DOCK10: variants seen among roughly 807,000 people sequenced by gnomAD.
DOCK10 encodes dedicator of cytokinesis protein 10.
In DOCK10, 145 loss-of-function variants were observed where a neutral mutation model predicts 280.1. The ratio of observed to expected loss-of-function variants is 0.52; its 90% CI spans 0.45 to 0.59. The LOEUF (loss-of-function observed/expected upper bound fraction) is 0.59, where lower values mean the gene tolerates loss of function less well. DOCK10 is among the 20% of genes least tolerant of loss of function. The pLI is 0.00. For synonymous variants in DOCK10, 915 were observed against 942.2 expected, an observed-to-expected ratio of 0.97 and a Z score of 0.53; for missense variants, 2,368 against 2,651.7, an observed-to-expected ratio of 0.89 and a Z score of 2.35.
intron 1 of DOCK10, chr2:224,947,137 C>T (rs1354676936): frequency 1.9e-6 from 2 of 1,065,132 alleles, no homozygotes; most frequent in Non-Finnish European, 2.5e-6. Context: ...CTGTGAGTAA[C>T]TAACTACCAG....
At position 224,770,675 on chromosome 2, in the gene DOCK10, T is replaced by C; in HGVS notation, c.6205-30A>G. 1 of 1,514,376 alleles carries C rather than the reference T, an allele frequency of 6.6e-7. No homozygotes were observed. The highest frequency in any genetic ancestry group is 9.2e-7 in the Non-Finnish European group (1 of 1,089,386). 93.8% of individuals were successfully genotyped at this position (1,514,376 alleles called of 1,614,324 possible). A position where few individuals can be genotyped will look rare whatever the true frequency, so the allele number is the denominator to read the frequency against. On this transcript the variant is annotated intron_variant, in intron 53 of 55. Transcript: ENST00000258390. This position sits in a 1 kb window ranked among gnomAD's most constrained non-coding sequence, Gnocchi z 4.5. ...TGAGAAGAAAATTGGTGAAGGATGA[T>C]CTACCTTCTGCATGGAGTCTTTTCC...
rs1699758871 is a variant in DOCK10 at position 224,892,567 on chromosome 2, A to C, written c.416+3728T>G. On this transcript the variant is annotated intron_variant, in intron 4 of 55. Transcript: ENST00000258390. The stretch of plus-strand genomic sequence containing the variant: ...CTCTCGAGAGGTAACATTTAAATTG[A>C]GGAGGAGAAGCAGCTGGTTGTGTGA... 2.0e-5 allele frequency among the ~76,000 whole-genome samples: 3 copies of C among 152,266 alleles called. No individual in the cohort carries two copies. The South Asian group carries it at 6.2e-4, about 32-fold the overall frequency.
intron 27 of DOCK10, among the ~76,000 whole-genome samples, chr2:224,827,893 G>T (rs1383002526): frequency 6.6e-6 from 1 of 152,136 alleles, no homozygotes; most frequent in Non-Finnish European, 1.5e-5. Context: ...ATAGACCTGG[G>T]GCCTAGAAGC....
chr2:224,785,961 C>A (rs34998337), intron 50 of DOCK10, among the ~76,000 whole-genome samples: 1 of 152,146 alleles, frequency 6.6e-6, no homozygotes, highest in Non-Finnish European at 1.5e-5. Flanking sequence ...TTTTGGAAGA[C>A]TAAGGTGGGT....
At chr2:224,895,582 C>T (rs1699930132) in intron 4 of DOCK10, among the ~76,000 whole-genome samples, 1 of 152,128 alleles carries the variant, frequency 6.6e-6, no homozygotes, top group Non-Finnish European at 1.5e-5. Context: ...ATGTGCCAGG[C>T]ATTCTTCTTA....
At position 224,845,575 on chromosome 2, in the gene DOCK10, G is replaced by T; in HGVS notation, c.2303C>A (p.Thr768Asn). ...ATTAGCTTTTGCATTGATGTCACAG[G>T]TGACGTGATAAAAAGAAAACAAAAT... The part of the protein sequence containing the change: ...HHILFSFYHV[T>N]CDINAKANAK... Residue 768 changes from threonine (T) to asparagine (N), a missense_variant, in exon 20 of 56, where the codon ACC becomes AAC. By Grantham distance (65) the Thr-to-Asn change is moderately conservative. Transcript: ENST00000258390. 6.2e-7 allele frequency: 1 copy of T among 1,613,488 alleles called. No homozygotes were observed. Among genetic ancestry groups the T allele is most frequent in the Non-Finnish European group, 8.5e-7 (1 of 1,179,582 alleles).
intron 4 of DOCK10, among the ~76,000 whole-genome samples, chr2:224,886,888 ACC>A (rs200245451): frequency 7.0e-6 from 1 of 142,482 alleles, no homozygotes; most frequent in Non-Finnish European, 1.5e-5. Context: ...CACCCCCAAC[ACC>A]CCCCCAAGTA....
intron 38 of DOCK10, 26 bp from the exon 39 acceptor site, chr2:224,804,239 C>A: frequency 1.4e-6 from 2 of 1,394,954 alleles, no homozygotes; most frequent in South Asian, 1.2e-5. Context: ...AAGTTTTAAT[C>A]ATAGCTCAGT....
chr2:224,788,988 C>T, intron 48 of DOCK10, 76 bp downstream of exon 48: 1 of 844,042 alleles, frequency 1.2e-6, no homozygotes, highest in Non-Finnish European at 1.9e-6. Flanking sequence ...GCTTGTTTCC[C>T]CCTTATTTAG....
intron 1 of DOCK10, among the ~76,000 whole-genome samples, chr2:224,991,527 T>TC (rs1389543716): frequency 6.6e-6 from 1 of 152,144 alleles, no homozygotes; most frequent in Admixed American, 6.6e-5. Flanking sequence ...TAGATAACAG[T>TC]CCTGCAAGTC....
chr2:224,775,575 A>G (rs1488393770), intron 51 of DOCK10, among the ~76,000 whole-genome samples: 1 of 152,064 alleles, frequency 6.6e-6, no homozygotes, highest in African/African-American at 2.4e-5. Context: ...TCCTGGGTTC[A>G]AGTGATTTTC....
intron 1 of DOCK10, among the ~76,000 whole-genome samples, chr2:225,039,770 C>A (rs1690366604): frequency 6.6e-6 from 1 of 152,054 alleles, no homozygotes; most frequent in African/African-American, 2.4e-5. Flanking sequence ...ACAACCTTAC[C>A]TAAACTTATT....
chr2:224,967,899 C>A (rs1022753249), intron 1 of DOCK10, among the ~76,000 whole-genome samples: 1 of 149,834 alleles, frequency 6.7e-6, no homozygotes, highest in Non-Finnish European at 1.5e-5. Context: ...GTATATACTT[C>A]TTTTACAATT....
chr2:225,005,607 C>T (rs1706543771), intron 1 of DOCK10, among the ~76,000 whole-genome samples: 5 of 152,146 alleles, frequency 3.3e-5, no homozygotes, highest in Admixed American at 3.3e-4. Context: ...TTGTAAAAAA[C>T]AGAATAACTG....
Position 224,906,769 on chromosome 2 carries a change from G to A in DOCK10, c.333+9926C>T, listed in dbSNP as rs542971703. On this transcript the variant is annotated intron_variant, in intron 3 of 55. Transcript: ENST00000258390. ...GCTGGGATTACAGGCGTCAGTCACCGCACCCGGCCTTGTTTATCTTAAAGT... is the reference window on the plus strand; with the variant it reads ...GCTGGGATTACAGGCGTCAGTCACCACACCCGGCCTTGTTTATCTTAAAGT... Among the ~76,000 whole-genome samples, 10 of 152,346 alleles carry A rather than the reference G, an allele frequency of 6.6e-5. No individual in the cohort carries two copies. In the East Asian group the frequency reaches 1.5e-3, roughly 23 times the overall value.
At chr2:224,785,452 T>C (rs1691666798) in intron 50 of DOCK10, among the ~76,000 whole-genome samples, 1 of 152,204 alleles carries the variant, frequency 6.6e-6, no homozygotes, top group Admixed American at 6.5e-5. Flanking sequence ...CTTTTCCAGG[T>C]AGAAAGTATC....
Position 224,775,027 on chromosome 2 carries a change from C to T in DOCK10, c.5891G>A (p.Arg1964Gln), listed in dbSNP as rs755681454. The change falls in exon 52 of 56, where the codon CGG (arginine) becomes CAG (glutamine). Residue 1964 changes from arginine (R) to glutamine (Q), a missense_variant. Around this residue, in one of 2 missense-constraint regions of DOCK10, gnomAD observed 1,159 missense variants for 1,400.8 expected, o/e 0.83. Transcript: ENST00000258390. ...GTGGTGCATTTCGAAATCTGTCTTCCGGTCTTCGATTTCCTTTTCCTCAAA... is the reference window on the plus strand; with the variant it reads ...GTGGTGCATTTCGAAATCTGTCTTCTGGTCTTCGATTTCCTTTTCCTCAAA... ...PFFEEKEIEDRKTDFEMHHNI... is the reference protein window; with the variant it reads ...PFFEEKEIEDQKTDFEMHHNI... 25 of 1,613,854 alleles carry T rather than the reference C, an allele frequency of 1.5e-5. No individual in the cohort carries two copies. The highest frequency in any genetic ancestry group is 4.5e-5 in the East Asian group (2 of 44,884).
intron 1 of DOCK10, among the ~76,000 whole-genome samples, chr2:224,972,957 G>C (rs1479841475): frequency 2.6e-5 from 4 of 152,146 alleles, no homozygotes; most frequent in Non-Finnish European, 5.9e-5. Context: ...TATTCAATAA[G>C]TATTTCAGTG....
intron 8 of DOCK10, among the ~76,000 whole-genome samples, chr2:224,875,291 C>G (rs529797596): frequency 6.6e-6 from 1 of 152,310 alleles, no homozygotes; most frequent in South Asian, 2.1e-4. Context: ...GGCTCTTTCA[C>G]TCTACAGCCT....
Sources: allele counts gnomAD v4.1 joint callset (sites outside exome capture counted in the v4.1 genomes callset), GRCh38; gene constraint gnomAD v4.1.1; regional missense constraint gnomAD v4.1.1; non-coding constraint Gnocchi (gnomAD v3.1); transcripts MANE v1.5; gene names NCBI Gene and HGNC (gene_info 2026-07-23, HGNC 2026-07-21).